Variants in PPP1R9A observed in about 807,000 individuals in gnomAD.
The protein encoded by PPP1R9A is protein phosphatase 1 regulatory subunit 9A, also known as neurabin-1.
A neutral mutation model predicts 141.9 loss-of-function variants in PPP1R9A; 59 were observed. The ratio of observed to expected loss-of-function variants is 0.42; its 90% CI spans 0.34 to 0.52. The LOEUF is 0.52. Ranked by LOEUF, PPP1R9A falls within the 20% of genes least tolerant of loss-of-function variation. The pLI is 0.10. For synonymous variants in PPP1R9A, 500 were observed against 569.7 expected, an observed-to-expected ratio of 0.88 and a Z score of 1.74; for missense variants, 1,444 against 1,611.9, an observed-to-expected ratio of 0.90 and a Z score of 1.78.
intron 5 of PPP1R9A, among the ~76,000 whole-genome samples, chr7:95,191,764 A>G (rs1166518769): frequency 5.3e-5 from 8 of 152,244 alleles, no homozygotes; most frequent in Admixed American, 4.6e-4. Flanking sequence ...CTAAAAGATA[A>G]AAAGATCACA....
intron 2 of PPP1R9A, among the ~76,000 whole-genome samples, chr7:94,918,943 A>G (rs1158027154): frequency 6.6e-6 from 1 of 152,212 alleles, no homozygotes; most frequent in African/African-American, 2.4e-5. Context: ...TGTTTCATAG[A>G]GAGGAAGAAC....
At chr7:95,203,810 T>A in intron 7 of PPP1R9A, 80 bp downstream of exon 7, 2 of 1,043,112 alleles carry the variant, frequency 1.9e-6, no homozygotes, top group Non-Finnish European at 2.8e-6. Flanking sequence ...TGTGTCTTAT[T>A]AACTATCTGT....
At chr7:95,163,654 A>G (rs1413018895) in intron 5 of PPP1R9A, among the ~76,000 whole-genome samples, 2 of 152,198 alleles carry the variant, frequency 1.3e-5, no homozygotes, top group Non-Finnish European at 2.9e-5. Context: ...TGTTCTGAAC[A>G]TTTTGGATTT....
At position 94,930,154 on chromosome 7, in the gene PPP1R9A, T is replaced by C. The variant is rs922804660; in HGVS notation, c.1395+18646T>C. Among the ~76,000 whole-genome samples the C allele has an allele frequency of 4.6e-5, 7 of 152,194 alleles. No homozygotes were observed. In the South Asian group the frequency reaches 1.5e-3, roughly 32 times the overall value. On this transcript the variant is annotated intron_variant, in intron 2 of 19. Coordinates refer to ENST00000433360, the MANE Select transcript of PPP1R9A (RefSeq NM_001166160.2). ...TCTGAGTGTTAGATCCAGGTATATA[T>C]GTCATTGGGATACTGTGAGGAGAGG...
In PPP1R9A at chr7:94,910,655, A is replaced by T; in HGVS notation, c.542A>T (p.Asn181Ile). 6.2e-7 allele frequency: 1 copy of T among 1,614,214 alleles called. No individual in the cohort carries two copies. The highest frequency in any genetic ancestry group is 8.5e-7 in the Non-Finnish European group (1 of 1,180,036). The part of the protein sequence containing the change: ...PQDEWGGSKS[N>I]RGSTDSLDSL... Reference sequence around the variant, plus strand: ...GATGAATGGGGAGGTTCCAAGTCCAACAGAGGCAGTACTGATTCCTTGGAC... The same window carrying T: ...GATGAATGGGGAGGTTCCAAGTCCATCAGAGGCAGTACTGATTCCTTGGAC... The change falls in exon 2 of 20, where the codon AAC (asparagine) becomes ATC (isoleucine). Residue 181 changes from asparagine to isoleucine, a missense_variant. Around this residue, in one of 5 missense-constraint regions of PPP1R9A, gnomAD observed 490 missense variants for 521.1 expected, o/e 0.94. Transcript: ENST00000433360. The surrounding 1 kb of genome is among the most constrained non-coding windows in gnomAD (Gnocchi z 4.5).
intron 12 of PPP1R9A, 26 bp downstream of exon 12, chr7:95,252,156 C>T: frequency 6.5e-7 from 1 of 1,535,002 alleles, no homozygotes; most frequent in African/African-American, 1.4e-5. Context: ...CCACAAAAAT[C>T]ATTTTTGATG....
chr7:95,034,182 A>G (rs1471191050), intron 2 of PPP1R9A, among the ~76,000 whole-genome samples: 1 of 152,154 alleles, frequency 6.6e-6, no homozygotes, highest in African/African-American at 2.4e-5. Flanking sequence ...ATGTCTCAAT[A>G]ACATTTTATG....
At chr7:94,928,983 C>A (rs1006098246) in intron 2 of PPP1R9A, among the ~76,000 whole-genome samples, 1 of 152,150 alleles carries the variant, frequency 6.6e-6, no homozygotes, top group Non-Finnish European at 1.5e-5. Flanking sequence ...CATTAATTTG[C>A]AGACCTAAGC....
In PPP1R9A at chr7:95,024,505, C is replaced by T. The variant is rs143269313; in HGVS notation, c.1396-86754C>T. On this transcript the variant is annotated intron_variant, in intron 2 of 19. Transcript: ENST00000433360. ...TTAGGATAATTAGGTCTTCTTGTTG[C>T]GTTGATCCCTTTACCATTATATAAT... Among the ~76,000 whole-genome samples, 376 of 152,156 alleles carry T rather than the reference C, an allele frequency of 2.5e-3. 1 individual carries two copies. The highest frequency in any genetic ancestry group is 7.2e-3 in the African/African-American group (300 of 41,534).
intron 2 of PPP1R9A, among the ~76,000 whole-genome samples, chr7:95,057,280 A>AT (rs1211900453): frequency 6.6e-6 from 1 of 152,066 alleles, no homozygotes; most frequent in African/African-American, 2.4e-5. Flanking sequence ...TATGAACTTG[A>AT]TTTTTTCCCC....
intron 2 of PPP1R9A, among the ~76,000 whole-genome samples, chr7:94,965,560 C>T (rs1024726208): frequency 3.9e-5 from 6 of 152,062 alleles, no homozygotes; most frequent in Admixed American, 6.6e-5. Context: ...TTCCCAACAC[C>T]GTTTATTAAA....
intron 2 of PPP1R9A, among the ~76,000 whole-genome samples, chr7:95,106,116 T>TA (rs1236165272): frequency 6.6e-6 from 1 of 152,004 alleles, no homozygotes; most frequent in South Asian, 2.1e-4. Context: ...AAATTTAATT[T>TA]AAAAAAAGAG....
At chr7:95,069,171 T>C (rs1458328023) in intron 2 of PPP1R9A, among the ~76,000 whole-genome samples, 6 of 152,256 alleles carry the variant, frequency 3.9e-5, no homozygotes. Flanking sequence ...AACTCATGGA[T>C]ATGAAGGGCT....
intron 2 of PPP1R9A, among the ~76,000 whole-genome samples, chr7:94,957,500 T>C (rs1193860633): frequency 6.6e-6 from 1 of 152,042 alleles, no homozygotes; most frequent in Non-Finnish European, 1.5e-5. Flanking sequence ...TAGGGAGTTA[T>C]CAGGAAGCAA....
chr7:95,264,734 G>A (rs1800990820), intron 12 of PPP1R9A, among the ~76,000 whole-genome samples: 1 of 152,080 alleles, frequency 6.6e-6, no homozygotes, highest in African/African-American at 2.4e-5. Context: ...CTCCTGTTCT[G>A]TATTTCTAGC....
intron 5 of PPP1R9A, among the ~76,000 whole-genome samples, chr7:95,183,463 T>A (rs1834161719): frequency 6.7e-6 from 1 of 148,376 alleles, no homozygotes; most frequent in Non-Finnish European, 1.5e-5. Context: ...TTTTTTTTTT[T>A]TTTTTGAGAC....
chr7:95,002,909 T>A (rs1464568311), intron 2 of PPP1R9A, among the ~76,000 whole-genome samples: 2 of 152,134 alleles, frequency 1.3e-5, no homozygotes, highest in African/African-American at 2.4e-5. Flanking sequence ...GCCAGCCTCA[T>A]TACTCCTTGG....
chr7:95,237,376 A>G (rs961666134), intron 8 of PPP1R9A, among the ~76,000 whole-genome samples: 1 of 151,636 alleles, frequency 6.6e-6, no homozygotes, highest in Non-Finnish European at 1.5e-5. Context: ...TTGTATTTTT[A>G]GTAGAGACGT....
chr7:95,225,850 A>G, intron 7 of PPP1R9A, 111 bp from the exon 8 acceptor site: 1 of 1,166,920 alleles, frequency 8.6e-7, no homozygotes, highest in Non-Finnish European at 1.2e-6. Flanking sequence ...ACCTACTTAC[A>G]CTTTTACCAT....
Sources: gnomAD v4.1 joint callset for allele counts (sites outside exome capture counted in the v4.1 genomes callset) on GRCh38, gnomAD v4.1.1 for gene constraint, gnomAD v4.1.1 regional missense constraint, Gnocchi (gnomAD v3.1) non-coding constraint, MANE v1.5 for transcripts, NCBI Gene and HGNC (gene_info 2026-07-23, HGNC 2026-07-21) for gene names.